ZRANB3: variants seen among roughly 807,000 people sequenced by gnomAD.
ZRANB3 encodes zinc finger RANBP2-type containing 3.
ZRANB3 carries 125 observed loss-of-function variants against 133.8 expected under a neutral mutation model. The ratio of observed to expected loss-of-function variants is 0.93; its 90% CI spans 0.81 to 1.08. ZRANB3 has a LOEUF of 1.08. ZRANB3 is among the 50% of genes least tolerant of loss of function. ZRANB3 has a pLI of 0.00. For synonymous variants in ZRANB3, 387 were observed against 432.7 expected (o/e 0.89, Z 1.31); for missense variants, 1,229 against 1,275.5 (o/e 0.96, Z 0.56).
chr2:135,309,808 C>T (rs1682885137), intron 8 of ZRANB3, among the ~76,000 whole-genome samples: 1 of 152,096 alleles, frequency 6.6e-6, no homozygotes, highest in Non-Finnish European at 1.5e-5. Flanking sequence ...CAACACAATT[C>T]CAACAAAATT....
intron 2 of ZRANB3, among the ~76,000 whole-genome samples, chr2:135,499,238 T>G (rs768336403): frequency 5.3e-5 from 8 of 152,162 alleles, no homozygotes; most frequent in Non-Finnish European, 7.4e-5. Context: ...AAAGGACCCA[T>G]GTTGAATACT....
intron 2 of ZRANB3, among the ~76,000 whole-genome samples, chr2:135,454,905 T>C (rs1690430480): frequency 6.6e-6 from 1 of 152,198 alleles, no homozygotes. Flanking sequence ...TGGGTCTCTC[T>C]CAATGCGCTA....
chr2:135,365,836 T>C (rs1264757284), intron 3 of ZRANB3, among the ~76,000 whole-genome samples: 1 of 152,220 alleles, frequency 6.6e-6, no homozygotes, highest in African/African-American at 2.4e-5. Context: ...AACACTATAA[T>C]TAATTTGAAG....
rs768567355 is a variant in ZRANB3, at chr2:135,271,800, C to A, written c.1174G>T (p.Val392Leu). 2.5e-6 allele frequency: 4 copies of A among 1,613,510 alleles called. No individual in the cohort carries two copies. The highest frequency in any genetic ancestry group is 2.2e-5 in the East Asian group (1 of 44,878). Residue 392 changes from valine to leucine, a missense_variant, in exon 10 of 21, where the codon GTG (valine) becomes TTG (leucine). Physicochemically the swap from Val to Leu is conservative, Grantham distance 32. Transcript: ENST00000264159. ...NQFQKDPDTR[V>L]AILSIQAAGQ... ...GCAGCCTGAATGCTTAGGATAGCCA[C>A]GCGAGTGTCAGGATCCTTTTGAAAC... is the stretch of plus-strand genomic sequence containing the variant.
At chr2:135,326,700 G>T (rs1199285936) in intron 6 of ZRANB3, among the ~76,000 whole-genome samples, 1 of 151,778 alleles carries the variant, frequency 6.6e-6, no homozygotes, top group Non-Finnish European at 1.5e-5. Context: ...AGGAGATTGG[G>T]ACCATCCTGG....
At chr2:135,360,491 G>T (rs925605293) in intron 3 of ZRANB3, among the ~76,000 whole-genome samples, 4 of 152,014 alleles carry the variant, frequency 2.6e-5, no homozygotes, top group African/African-American at 9.7e-5. Flanking sequence ...GGATCACAAG[G>T]TCAGGAGATC....
At chr2:135,297,564 C>T (rs539682943) in intron 8 of ZRANB3, among the ~76,000 whole-genome samples, 77 of 152,338 alleles carry the variant, frequency 5.1e-4, no homozygotes, top group African/African-American at 1.5e-3. Context: ...GCTCATGCAC[C>T]GTGCGCTGCA....
intron 3 of ZRANB3, among the ~76,000 whole-genome samples, chr2:135,379,449 G>C (rs1442889168): frequency 6.6e-6 from 1 of 152,312 alleles, no homozygotes; most frequent in South Asian, 2.1e-4. Context: ...GAGAGTTGGA[G>C]CTGAATCACT....
intron 1 of ZRANB3, among the ~76,000 whole-genome samples, chr2:135,521,456 C>T (rs919995743): frequency 3.9e-5 from 6 of 152,096 alleles, no homozygotes; most frequent in South Asian, 2.1e-4. Context: ...CGCTTGAACC[C>T]GGGAGGCAGA....
chr2:135,448,406 C>G lies in ZRANB3; in HGVS notation c.161+55923G>C, dbSNP rs1273459153. 2.0e-5 allele frequency among the ~76,000 whole-genome samples: 3 copies of G among 152,176 alleles called. No homozygotes were observed. In the East Asian group the frequency reaches 5.8e-4, roughly 29 times the overall value. On this transcript the variant is annotated intron_variant, in intron 2 of 20. Coordinates refer to ENST00000264159, the MANE Select transcript of ZRANB3 (RefSeq NM_032143.4). ...AGTAATCTTATGATGAAACTTCAATCACATCAATCTGGAATTCAGTCTCTT... is the reference window on the plus strand; with the variant it reads ...AGTAATCTTATGATGAAACTTCAATGACATCAATCTGGAATTCAGTCTCTT...
intron 6 of ZRANB3, among the ~76,000 whole-genome samples, chr2:135,344,645 G>A (rs1684835362): frequency 1.3e-5 from 2 of 152,162 alleles, no homozygotes; most frequent in Admixed American, 6.5e-5. Flanking sequence ...GCTGAGGCAG[G>A]AGAATTGCTT....
rs1039037414 is a variant in ZRANB3, at chr2:135,230,737, C to A, written c.1730G>T (p.Arg577Ile). ...GTCTTCCGAGGCAGCCAATTTCAAT[C>A]TTTTCGTTTCAGGTTCAACATCACT... ...YESDVEPETKRLKLAASEDHC... is the reference protein window; with the variant it reads ...YESDVEPETKILKLAASEDHC... The change falls in exon 13 of 21, where the codon AGA becomes ATA. Residue 577 changes from arginine (R) to isoleucine (I), a missense_variant. Physicochemically the swap from Arg to Ile is moderately conservative, Grantham distance 97 (BLOSUM62 -3). Coordinates refer to ENST00000264159, the MANE Select transcript of ZRANB3 (RefSeq NM_032143.4). The A allele has an allele frequency of 2.5e-6, 4 of 1,613,296 alleles. No homozygotes were observed. The African/African-American group carries it at 4.0e-5, about 16-fold the overall frequency.
In ZRANB3 at chr2:135,199,841, C is replaced by T. The variant is rs1369476549; in HGVS notation, c.*501G>A. On this transcript the variant is annotated 3_prime_UTR_variant, in exon 21 of 21. Coordinates refer to ENST00000264159, the MANE Select transcript of ZRANB3 (RefSeq NM_032143.4). ...CCAAAATGTGTGCCCCTAGCTCATT[C>T]TGGAGGTATTTAGTGGACAGTCTCT... 1.3e-5 allele frequency: 2 copies of T among 158,742 alleles called. No homozygotes were observed. The highest frequency in any genetic ancestry group is 4.8e-5 in the African/African-American group (2 of 41,464). The allele number at this position is 158,742 out of a possible 1,614,324, so 9.8% of individuals were successfully genotyped here.
At chr2:135,516,853 A>G (rs955551716) in intron 1 of ZRANB3, among the ~76,000 whole-genome samples, 2 of 152,132 alleles carry the variant, frequency 1.3e-5, no homozygotes, top group Admixed American at 1.3e-4. Flanking sequence ...CCTGGATAAT[A>G]TCCTTAAGTG....
intron 3 of ZRANB3, among the ~76,000 whole-genome samples, chr2:135,389,811 A>G (rs1687141113): frequency 1.3e-5 from 2 of 152,082 alleles, no homozygotes; most frequent in South Asian, 4.1e-4. Context: ...TTTATTTTTT[A>G]ACAATTCAGT....
intron 6 of ZRANB3, among the ~76,000 whole-genome samples, chr2:135,316,284 A>G (rs1359302794): frequency 6.6e-6 from 1 of 152,228 alleles, no homozygotes; most frequent in African/African-American, 2.4e-5. Flanking sequence ...AGAAGCTCAA[A>G]GCACCAAGTA....
At chr2:135,289,505 C>A (rs1239099954) in intron 8 of ZRANB3, among the ~76,000 whole-genome samples, 1 of 152,220 alleles carries the variant, frequency 6.6e-6, no homozygotes, top group Admixed American at 6.5e-5. Flanking sequence ...CTACCCCCCT[C>A]AGCCTCCCAC....
At chr2:135,504,645 G>A in intron 1 of ZRANB3, 149 bp from the exon 2 acceptor site, 4 of 770,532 alleles carry the variant, frequency 5.2e-6, no homozygotes, top group East Asian at 2.9e-5. Context: ...CTCACAGTAA[G>A]CTACTAAGAA....
intron 12 of ZRANB3, among the ~76,000 whole-genome samples, chr2:135,245,944 A>AAAAAAAAAAAAAAAAAAAAAAAAAAAAT (rs1695774694): frequency 6.8e-6 from 1 of 146,536 alleles, no homozygotes; most frequent in Non-Finnish European, 1.5e-5. Context: ...AAAAAAAAAA[A>AAAAAAAAAAAAAAAAAAAAAAAAAAAAT]AAAAGAGACA....
Sources: allele counts gnomAD v4.1 joint callset (sites outside exome capture counted in the v4.1 genomes callset), GRCh38; gene constraint gnomAD v4.1.1; transcripts MANE v1.5; gene names NCBI Gene and HGNC (gene_info 2026-07-23, HGNC 2026-07-21).